Variants in CHST11 observed in about 807,000 individuals in gnomAD.
The protein encoded by CHST11 is C4S-1.
A neutral mutation model predicts 30.4 loss-of-function variants in CHST11; 9 were observed. That is an observed-to-expected ratio of 0.30 (90% CI 0.18 to 0.52). CHST11 has a LOEUF of 0.52. CHST11 is among the 20% of genes least tolerant of loss of function. The pLI is 0.97. For synonymous variants in CHST11, 152 were observed against 187.8 expected, an observed-to-expected ratio of 0.81 and a Z score of 1.56; for missense variants, 348 against 460.6, an observed-to-expected ratio of 0.76 and a Z score of 2.24.
intron 1 of CHST11, among the ~76,000 whole-genome samples, chr12:104,462,875 T>C (rs1301489169): frequency 6.6e-6 from 1 of 152,220 alleles, no homozygotes; most frequent in Non-Finnish European, 1.5e-5. Flanking sequence ...TTTTCATTGC[T>C]GTGCTCAGAT....
intron 2 of CHST11, among the ~76,000 whole-genome samples, chr12:104,628,659 T>C (rs933093191): frequency 6.6e-6 from 1 of 152,176 alleles, no homozygotes; most frequent in Admixed American, 6.5e-5. Context: ...CCTCTATTCC[T>C]TCCAGCCCTC....
chr12:104,576,840 C>G (rs116227205), intron 1 of CHST11, among the ~76,000 whole-genome samples: 2 of 152,138 alleles, frequency 1.3e-5, no homozygotes, highest in Non-Finnish European at 2.9e-5. Context: ...CTCCAGGCTG[C>G]GCTGAGGGAC....
At chr12:104,724,298 CT>C (rs34614529) in intron 2 of CHST11, among the ~76,000 whole-genome samples, 82,965 of 151,632 alleles carry the variant, frequency 0.55, 23,559 homozygotes, top group East Asian at 0.98. Flanking sequence ...CTACCAGGGG[CT>C]TGGGGGAGGG....
rs149427667 is a variant in CHST11, at chr12:104,729,639, G to A, written c.205-27310G>A. On this transcript the variant is annotated intron_variant, in intron 2 of 2. Transcript: ENST00000303694. The surrounding 1 kb of genome is among the most constrained non-coding windows in gnomAD (Gnocchi z 4.0). ...TGACAGAAGCAGCGTAAGGTCTAGC[G>A]TATTGTCTTCTCGCAACTTGAACCT... is the stretch of plus-strand genomic sequence containing the variant. 4.4e-3 allele frequency among the ~76,000 whole-genome samples: 675 copies of A among 152,308 alleles called. 2 individuals carry two copies. Among genetic ancestry groups the A allele is most frequent in the East Asian group, 0.014 (72 of 5,178 alleles).
chr12:104,553,405 T>C (rs556123872), intron 1 of CHST11: 1 of 152,370 alleles, frequency 6.6e-6, no homozygotes, highest in South Asian at 2.1e-4. Context: ...GATCTTACAC[T>C]GCTATAAAGA....
At chr12:104,724,532 G>A (rs993507418) in intron 2 of CHST11, among the ~76,000 whole-genome samples, 54 of 152,228 alleles carry the variant, frequency 3.5e-4, no homozygotes, top group African/African-American at 1.2e-3. Flanking sequence ...TACCTAGGGA[G>A]CTCTTGCCAT....
At chr12:104,714,452 G>A (rs1458027213) in intron 2 of CHST11, among the ~76,000 whole-genome samples, 2 of 152,170 alleles carry the variant, frequency 1.3e-5, no homozygotes, top group African/African-American at 4.8e-5. Flanking sequence ...ATCTGTCAGG[G>A]CTGGGGCAAA....
At chr12:104,610,631 C>A (rs2039050960) in intron 2 of CHST11, among the ~76,000 whole-genome samples, 1 of 152,190 alleles carries the variant, frequency 6.6e-6, no homozygotes, top group African/African-American at 2.4e-5. Flanking sequence ...AGCTTCTCAG[C>A]CAATTGGATT....
chr12:104,742,318 C>T (rs150840234), intron 2 of CHST11, among the ~76,000 whole-genome samples: 2 of 152,242 alleles, frequency 1.3e-5, no homozygotes, highest in Non-Finnish European at 2.9e-5. Context: ...CCCTGCCTCC[C>T]AAGAGCATCA....
intron 1 of CHST11, among the ~76,000 whole-genome samples, chr12:104,560,545 C>T (rs2038503623): frequency 6.6e-6 from 1 of 152,162 alleles, no homozygotes; most frequent in Admixed American, 6.5e-5. Flanking sequence ...GGTCATACCT[C>T]AGCAGGCAGC....
At chr12:104,551,879 C>CA (rs1485363893) in intron 1 of CHST11, among the ~76,000 whole-genome samples, 1 of 152,188 alleles carries the variant, frequency 6.6e-6, no homozygotes, top group Admixed American at 6.5e-5. Context: ...CCTGCTGTGA[C>CA]AGCTGTCAGT....
intron 2 of CHST11, among the ~76,000 whole-genome samples, chr12:104,753,339 A>G (rs1456402909): frequency 1.3e-5 from 2 of 152,066 alleles, no homozygotes; most frequent in Non-Finnish European, 1.5e-5. Flanking sequence ...TACTGATTGC[A>G]TTAAAGAAGT....
chr12:104,700,675 T>C (rs1175896254), intron 2 of CHST11, among the ~76,000 whole-genome samples: 1 of 152,224 alleles, frequency 6.6e-6, no homozygotes, highest in Non-Finnish European at 1.5e-5. Context: ...TGCTATTGAT[T>C]GCTGTTTCAA....
chr12:104,467,596 A>G (rs2135952018), intron 1 of CHST11, among the ~76,000 whole-genome samples: 1 of 152,296 alleles, frequency 6.6e-6, no homozygotes, highest in Non-Finnish European at 1.5e-5. Flanking sequence ...TCTCATGTAG[A>G]TATGGATAGA....
Position 104,758,087 on chromosome 12 carries a change from T to G in CHST11, c.*284T>G. 3.9e-6 allele frequency: 1 copy of G among 258,586 alleles called. No homozygotes were observed. Among genetic ancestry groups the G allele is most frequent in the East Asian group, 7.9e-5 (1 of 12,734 alleles). 16.0% of individuals were successfully genotyped at this position (258,586 alleles called of 1,614,324 possible). A position where few individuals can be genotyped will look rare whatever the true frequency, so the allele number is the denominator to read the frequency against. ...CATGAATTGTGCATTCCATAAATTC[T>G]AATTAATATTATTTATAGTTATTTA... is the stretch of plus-strand genomic sequence containing the variant. On this transcript the variant is annotated 3_prime_UTR_variant, in exon 3 of 3. Coordinates refer to ENST00000303694, the MANE Select transcript of CHST11 (RefSeq NM_018413.6).
rs116372748 is a variant in CHST11 at position 104,571,483 on chromosome 12, A to G, written c.119-30423A>G. Among the ~76,000 whole-genome samples, 99 of 152,292 alleles carry G rather than the reference A, an allele frequency of 6.5e-4. 1 individual carries two copies. Among genetic ancestry groups the G allele is most frequent in the African/African-American group, 2.3e-3 (97 of 41,554 alleles). Reference sequence around the variant, plus strand: ...GGCGACAGACAATATTATTAAGAACAATGTTGACTGAACGCCTCCAGCGTC... The same window carrying G: ...GGCGACAGACAATATTATTAAGAACGATGTTGACTGAACGCCTCCAGCGTC... On this transcript the variant is annotated intron_variant, in intron 1 of 2. Coordinates refer to ENST00000303694, the MANE Select transcript of CHST11 (RefSeq NM_018413.6).
chr12:104,575,251 G>A (rs1458939602), intron 1 of CHST11, among the ~76,000 whole-genome samples: 2 of 151,978 alleles, frequency 1.3e-5, no homozygotes, highest in Non-Finnish European at 2.9e-5. Context: ...GATGATCCCA[G>A]GGTGACGGGG....
intron 1 of CHST11, among the ~76,000 whole-genome samples, chr12:104,563,569 A>G (rs2038534439): frequency 6.6e-6 from 1 of 152,246 alleles, no homozygotes; most frequent in Non-Finnish European, 1.5e-5. Flanking sequence ...CCAGTGTGCC[A>G]TGCATGAATT....
At chr12:104,669,134 G>A (rs919335258) in intron 2 of CHST11, among the ~76,000 whole-genome samples, 5 of 152,168 alleles carry the variant, frequency 3.3e-5, no homozygotes, top group South Asian at 2.1e-4. Flanking sequence ...TCGCACAATC[G>A]CCCGCTGTGT....
Sources: gnomAD v4.1 joint callset for allele counts (sites outside exome capture counted in the v4.1 genomes callset) on GRCh38, gnomAD v4.1.1 for gene constraint, Gnocchi (gnomAD v3.1) non-coding constraint, MANE v1.5 for transcripts, NCBI Gene and HGNC (gene_info 2026-07-23, HGNC 2026-07-21) for gene names.